CDKAL1: variants seen among roughly 807,000 people sequenced by gnomAD.
CDKAL1 encodes CDKAL1 threonylcarbamoyladenosine tRNA methylthiotransferase.
CDKAL1 carries 32 observed loss-of-function variants against 68.2 expected under a neutral mutation model. That is an observed-to-expected ratio of 0.47 (90% CI 0.35 to 0.63). The LOEUF (loss-of-function observed/expected upper bound fraction) is 0.63. CDKAL1 is among the 30% of genes least tolerant of loss of function. The probability of loss-of-function intolerance (pLI) is 0.00; values close to 1 mark genes in which losing one functional copy is unlikely to be tolerated. For missense variants in CDKAL1, 606 were observed against 696.7 expected, an observed-to-expected ratio of 0.87 and a Z score of 1.47; for synonymous variants, 234 against 244.3, an observed-to-expected ratio of 0.96 and a Z score of 0.39.
intron 9 of CDKAL1, among the ~76,000 whole-genome samples, chr6:20,852,878 G>C (rs1227337242): frequency 6.6e-6 from 1 of 152,228 alleles, no homozygotes; most frequent in Non-Finnish European, 1.5e-5. Context: ...GCCAGAATCT[G>C]CTGGTTTAGA....
intron 5 of CDKAL1, among the ~76,000 whole-genome samples, chr6:20,732,141 G>T (rs892650416): frequency 8.6e-5 from 13 of 151,944 alleles, no homozygotes; most frequent in African/African-American, 3.1e-4. Flanking sequence ...GACCTTCTGG[G>T]CTCAAACTCT....
intron 10 of CDKAL1, among the ~76,000 whole-genome samples, chr6:20,956,049 A>G (rs997079273): frequency 2.0e-5 from 3 of 152,154 alleles, no homozygotes; most frequent in African/African-American, 7.2e-5. Context: ...TCATCTGGAG[A>G]TACATAGGGG....
In CDKAL1 at chr6:21,072,554, C is replaced by CAAAAAAAAAAAA. The variant is rs71540611; in HGVS notation, c.1236+7341_1236+7352dup. Among the ~76,000 whole-genome samples the CAAAAAAAAAAAA allele has an allele frequency of 2.8e-3, 123 of 44,492 alleles. 11 individuals carry two copies. Among genetic ancestry groups the CAAAAAAAAAAAA allele is most frequent in the African/African-American group, 8.3e-3 (98 of 11,790 alleles). 29.2% of individuals were successfully genotyped at this position (44,492 alleles called of 152,430 possible). On this transcript the variant is annotated intron_variant, in intron 12 of 15. Transcript: ENST00000274695. ...TGGGCGACTGAGCGAGACTCCGTCT[C>CAAAAAAAAAAAA]AAAAAAAAAAAAAAAAAAAAAAAAA...
intron 11 of CDKAL1, among the ~76,000 whole-genome samples, chr6:21,058,523 A>C (rs1166744766): frequency 6.6e-6 from 1 of 152,196 alleles, no homozygotes; most frequent in Non-Finnish European, 1.5e-5. Flanking sequence ...TTTAAGGCTA[A>C]TATTGTTATG....
intron 6 of CDKAL1, among the ~76,000 whole-genome samples, chr6:20,744,000 AT>A (rs1253969190): frequency 6.6e-6 from 1 of 152,230 alleles, no homozygotes; most frequent in East Asian, 1.9e-4. Flanking sequence ...CCAGTATAGA[AT>A]CAGGATCTTT....
chr6:21,047,206 G>A (rs1280399145), intron 11 of CDKAL1, among the ~76,000 whole-genome samples: 1 of 151,886 alleles, frequency 6.6e-6, no homozygotes, highest in African/African-American at 2.4e-5. Flanking sequence ...GTGTGTTACT[G>A]AGCCAGGGAA....
chr6:20,888,741 G>T (rs1761224190), intron 9 of CDKAL1, among the ~76,000 whole-genome samples: 1 of 152,008 alleles, frequency 6.6e-6, no homozygotes, highest in South Asian at 2.1e-4. Flanking sequence ...TGGTGTATAT[G>T]TGCCACCTTT....
chr6:21,206,303 C>G (rs1778934773), intron 15 of CDKAL1, among the ~76,000 whole-genome samples: 1 of 152,080 alleles, frequency 6.6e-6, no homozygotes, highest in African/African-American at 2.4e-5. Flanking sequence ...AGAAAATGGG[C>G]AGTTTTAATT....
Position 20,948,010 on chromosome 6 carries a change from CTTTTTTTTTTT to C in CDKAL1, c.743-7397_743-7387del, listed in dbSNP as rs541978769. 2.6e-5 allele frequency among the ~76,000 whole-genome samples: 3 copies of C among 115,162 alleles called. No homozygotes were observed. The East Asian group carries it at 7.5e-4, about 29-fold the overall frequency. The allele number at this position is 115,162 out of a possible 152,430, so 75.6% of individuals were successfully genotyped here. On this transcript the variant is annotated intron_variant, in intron 9 of 15. Transcript: ENST00000274695. The stretch of plus-strand genomic sequence containing the variant: ...TTGACTGTACCTTGAGTGAAGGTCA[CTTTTTTTTTTT>C]TTTTTTTTTTTAAAGAAACAAGGTC...
chr6:20,725,192 G>C (rs7747752), intron 5 of CDKAL1, among the ~76,000 whole-genome samples: 50,903 of 151,360 alleles, frequency 0.34, 10,311 homozygotes, highest in African/African-American at 0.57. Context: ...TACAGTGTTG[G>C]TGTGAGTAGA....
chr6:21,085,491 G>A lies in CDKAL1; in HGVS notation c.1236+20263G>A, dbSNP rs376668000. 3.9e-5 allele frequency among the ~76,000 whole-genome samples: 6 copies of A among 152,172 alleles called. No homozygotes were observed. The East Asian group carries it at 1.2e-3, about 29-fold the overall frequency. ...CCACTGCTGTAAGAGCTATACAAAG[G>A]GCTGTTAAAACTTGGGGGCTTGTGA... On this transcript the variant is annotated intron_variant, in intron 12 of 15. Transcript: ENST00000274695.
intron 5 of CDKAL1, among the ~76,000 whole-genome samples, chr6:20,669,174 C>T (rs372367202): frequency 2.0e-5 from 3 of 152,068 alleles, no homozygotes; most frequent in East Asian, 1.9e-4. Flanking sequence ...GTGCACATAT[C>T]CTATTTCTCA....
chr6:20,985,642 A>G (rs1196268416), intron 10 of CDKAL1, among the ~76,000 whole-genome samples: 1 of 152,138 alleles, frequency 6.6e-6, no homozygotes, highest in Non-Finnish European at 1.5e-5. Context: ...CTTTAAAGCT[A>G]GGCATGGTGG....
At chr6:20,731,870 T>G (rs915274445) in intron 5 of CDKAL1, among the ~76,000 whole-genome samples, 3 of 152,110 alleles carry the variant, frequency 2.0e-5, no homozygotes, top group African/African-American at 7.2e-5. Context: ...CAGTTTGTCA[T>G]GGAGCCCCAT....
intron 15 of CDKAL1, among the ~76,000 whole-genome samples, chr6:21,228,207 T>C (rs1334376091): frequency 2.0e-5 from 3 of 152,188 alleles, no homozygotes; most frequent in Non-Finnish European, 4.4e-5. Context: ...TTTGTATTCA[T>C]TATTTTTTTC....
intron 4 of CDKAL1, among the ~76,000 whole-genome samples, chr6:20,582,925 G>A (rs1048689265): frequency 1.3e-5 from 2 of 152,090 alleles, no homozygotes; most frequent in Admixed American, 1.3e-4. Flanking sequence ...CTGTTACTTA[G>A]GGTAATGTCT....
chr6:21,117,111 GCT>G (rs564523446), intron 13 of CDKAL1, among the ~76,000 whole-genome samples: 229 of 152,078 alleles, frequency 1.5e-3, no homozygotes, highest in African/African-American at 5.3e-3. Context: ...TGCCCCAACA[GCT>G]CTGTTTTTTT....
At chr6:20,926,380 T>C (rs1763188213) in intron 9 of CDKAL1, among the ~76,000 whole-genome samples, 1 of 152,112 alleles carries the variant, frequency 6.6e-6, no homozygotes, top group Non-Finnish European at 1.5e-5. Context: ...AATATTACAC[T>C]GTGGAGAAAT....
chr6:21,157,612 A>G (rs1008397894), intron 13 of CDKAL1, among the ~76,000 whole-genome samples: 6 of 152,200 alleles, frequency 3.9e-5, no homozygotes, highest in African/African-American at 1.4e-4. Flanking sequence ...CACGAATGAA[A>G]GCAACCTCTT....
Sources: gnomAD v4.1 joint callset for allele counts (sites outside exome capture counted in the v4.1 genomes callset) on GRCh38, gnomAD v4.1.1 for gene constraint, MANE v1.5 for transcripts, NCBI Gene and HGNC (gene_info 2026-07-23, HGNC 2026-07-21) for gene names.